Variants in ANO10 observed in about 807,000 individuals in gnomAD.
ANO10 encodes the protein anoctamin 10.
ANO10 carries 77 observed loss-of-function variants against 74.7 expected under a neutral mutation model. The ratio of observed to expected loss-of-function variants is 1.03; its 90% CI spans 0.86 to 1.25. The LOEUF (loss-of-function observed/expected upper bound fraction) is 1.25. ANO10 is among the 50% of genes most tolerant of loss of function. The pLI is 0.00. For missense variants in ANO10, 721 were observed against 778.1 expected (o/e 0.93, Z 0.87); for synonymous variants, 279 against 284.9 (o/e 0.98, Z 0.21).
rs557125079 is a variant in ANO10 at position 43,656,009 on chromosome 3, C to T, written c.-12+35508G>A. Among the ~76,000 whole-genome samples the T allele has an allele frequency of 3.8e-5, 3 of 79,624 alleles. No homozygotes were observed. In the South Asian group the frequency reaches 1.8e-3, roughly 47 times the overall value. The allele number at this position is 79,624 out of a possible 152,430, so 52.2% of individuals were successfully genotyped here. On this transcript the variant is annotated intron_variant, in intron 1 of 3. Coordinates refer to the ANO10 transcript ENST00000413397. ...CCCTGAGCTAGACATAAAGGTTCTCCACGTCCCCACCAGAGCAGCTAGATA... is the reference window on the plus strand; with the variant it reads ...CCCTGAGCTAGACATAAAGGTTCTCTACGTCCCCACCAGAGCAGCTAGATA...
intron 1 of ANO10, among the ~76,000 whole-genome samples, chr3:43,617,248 G>A (rs1325205758): frequency 6.6e-6 from 1 of 151,060 alleles, no homozygotes; most frequent in Non-Finnish European, 1.5e-5. Context: ...AAACCTTATG[G>A]TTCCAGTTGG....
chr3:43,465,698 T>C (rs550609112), intron 11 of ANO10, among the ~76,000 whole-genome samples: 1 of 152,174 alleles, frequency 6.6e-6, no homozygotes. Flanking sequence ...GTCATATATA[T>C]GGTTCATTAC....
At chr3:43,496,221 A>T (rs2076908998) in intron 11 of ANO10, among the ~76,000 whole-genome samples, 1 of 152,160 alleles carries the variant, frequency 6.6e-6, no homozygotes, top group South Asian at 2.1e-4. Flanking sequence ...AATATCGGAA[A>T]ACAATCAGAA....
intron 11 of ANO10, among the ~76,000 whole-genome samples, chr3:43,548,606 A>C (rs942307591): frequency 6.6e-6 from 1 of 152,186 alleles, no homozygotes; most frequent in African/African-American, 2.4e-5. Flanking sequence ...CAAGTTCATG[A>C]TTTCCTTTCC....
At chr3:43,513,261 T>C (rs1277203138) in intron 11 of ANO10, among the ~76,000 whole-genome samples, 1 of 152,072 alleles carries the variant, frequency 6.6e-6, no homozygotes, top group African/African-American at 2.4e-5. Flanking sequence ...GAGAGAGTGT[T>C]TGGAAGAGTC....
At chr3:43,686,930 A>C (rs1472633561) in intron 1 of ANO10, among the ~76,000 whole-genome samples, 1 of 152,162 alleles carries the variant, frequency 6.6e-6, no homozygotes, top group African/African-American at 2.4e-5. Flanking sequence ...CTACAGAGTC[A>C]GAATCTACAA....
At chr3:43,420,430 G>A (rs145116517) in intron 12 of ANO10, among the ~76,000 whole-genome samples, 1 of 152,072 alleles carries the variant, frequency 6.6e-6, no homozygotes, top group East Asian at 1.9e-4. Flanking sequence ...TCCAGCCTGG[G>A]CAACAGAGCC....
chr3:43,640,797 T>C (rs2083663811), intron 1 of ANO10, among the ~76,000 whole-genome samples: 1 of 152,220 alleles, frequency 6.6e-6, no homozygotes, highest in Non-Finnish European at 1.5e-5. Flanking sequence ...TCAATAAGAT[T>C]TCATGCTTAG....
chr3:43,417,967 G>A (rs2092766408), intron 12 of ANO10, among the ~76,000 whole-genome samples: 1 of 152,072 alleles, frequency 6.6e-6, no homozygotes, highest in Non-Finnish European at 1.5e-5. Context: ...TTAAACTGGA[G>A]GTACTAAGGT....
intron 12 of ANO10, among the ~76,000 whole-genome samples, chr3:43,384,001 A>G (rs564358040): frequency 6.6e-6 from 1 of 152,310 alleles, no homozygotes; most frequent in East Asian, 1.9e-4. Context: ...TGATGACACG[A>G]TCATATACCT....
chr3:43,579,145 T>C (rs191277942), intron 5 of ANO10, among the ~76,000 whole-genome samples: 21 of 152,064 alleles, frequency 1.4e-4, no homozygotes, highest in Admixed American at 1.4e-3. Flanking sequence ...TTAAAAAACA[T>C]AACCAGACTA....
intron 4 of ANO10, among the ~76,000 whole-genome samples, chr3:43,582,360 G>C (rs551518117): frequency 4.6e-5 from 7 of 152,252 alleles, no homozygotes; most frequent in Non-Finnish European, 8.8e-5. Flanking sequence ...GCTGAGACAG[G>C]AGAATGGCAT....
intron 11 of ANO10, among the ~76,000 whole-genome samples, chr3:43,474,252 AAG>A (rs2075980167): frequency 7.1e-6 from 1 of 141,082 alleles, no homozygotes; most frequent in East Asian, 2.5e-4. Flanking sequence ...TTCACATTAG[AAG>A]ATTGTCAGCT....
chr3:43,574,680 T>G, intron 7 of ANO10, 129 bp downstream of exon 7: 1 of 750,254 alleles, frequency 1.3e-6, no homozygotes, highest in East Asian at 2.7e-5. Flanking sequence ...TATTAATCAA[T>G]CCTTGCCTAT....
intron 12 of ANO10, among the ~76,000 whole-genome samples, chr3:43,390,917 T>G (rs765908381): frequency 6.6e-6 from 1 of 152,230 alleles, no homozygotes; most frequent in South Asian, 2.1e-4. Context: ...CAATTCTCAT[T>G]TAGTAGGTCT....
intron 11 of ANO10, among the ~76,000 whole-genome samples, chr3:43,505,326 T>C (rs1447371028): frequency 6.6e-6 from 1 of 152,192 alleles, no homozygotes; most frequent in Non-Finnish European, 1.5e-5. Context: ...TATGAGAAAA[T>C]AAGATTCAAA....
chr3:43,447,312 T>C (rs926146787), intron 11 of ANO10, among the ~76,000 whole-genome samples: 2 of 152,212 alleles, frequency 1.3e-5, no homozygotes, highest in African/African-American at 4.8e-5. Context: ...TAAGCACGCA[T>C]GTACAATCAA....
At chr3:43,655,501 G>T (rs2083839087) in intron 1 of ANO10, among the ~76,000 whole-genome samples, 1 of 152,230 alleles carries the variant, frequency 6.6e-6, no homozygotes, top group South Asian at 2.1e-4. Context: ...CAAGCGGGTT[G>T]CCACTGCTGG....
chr3:43,474,217 C>G (rs983107291), intron 11 of ANO10, among the ~76,000 whole-genome samples: 1 of 151,992 alleles, frequency 6.6e-6, no homozygotes, highest in East Asian at 1.9e-4. Flanking sequence ...CTTCCCCGCC[C>G]CCCCCAACCC....
Sources: gnomAD v4.1 joint callset for allele counts (sites outside exome capture counted in the v4.1 genomes callset) on GRCh38, gnomAD v4.1.1 for gene constraint, MANE v1.5 for transcripts, NCBI Gene and HGNC (gene_info 2026-07-23, HGNC 2026-07-21) for gene names.